The following KCTD20 variants were observed in gnomAD, a reference collection of about 807,000 sequenced individuals.
KCTD20 encodes the protein BTB/POZ domain-containing protein KCTD20.
In KCTD20, 30 loss-of-function variants were observed where a neutral mutation model predicts 39.6. That is an observed-to-expected ratio of 0.76 (90% CI 0.57 to 1.03). The LOEUF is 1.03. Ranked by LOEUF, KCTD20 falls within the 50% of genes least tolerant of loss-of-function variation. KCTD20 has a pLI of 0.00. For missense variants in KCTD20, 422 were observed against 522.0 expected (o/e 0.81, Z 1.87); for synonymous variants, 162 against 180.6 (o/e 0.90, Z 0.83).
chr6:36,481,732 C>G lies in KCTD20; in HGVS notation c.829C>G (p.Pro277Ala). The change falls in exon 6 of 8, where the codon CCA becomes GCA. Residue 277 changes from proline (P) to alanine (A), a missense_variant. Coordinates refer to ENST00000373731, the MANE Select transcript of KCTD20 (RefSeq NM_173562.5). The stretch of plus-strand genomic sequence containing the variant: ...TGTGGACTGGGATGAAGACCACCCT[C>G]CACCAATGGGGGAGGAATATTCCCA... ...DSVDWDEDHP[P>A]PMGEEYSQIL... 2 of 1,614,186 alleles carry G rather than the reference C, an allele frequency of 1.2e-6. No individual in the cohort carries two copies. The highest frequency in any genetic ancestry group is 1.7e-6 in the Non-Finnish European group (2 of 1,180,024).
At chr6:36,444,698 A>G (rs772646321) in intron 1 of KCTD20, among the ~76,000 whole-genome samples, 7 of 152,130 alleles carry the variant, frequency 4.6e-5, no homozygotes, top group African/African-American at 1.2e-4. Context: ...CGTAATGCCT[A>G]TTTTCCTCAA....
chr6:36,460,991 A>G (rs1047092125), intron 1 of KCTD20, among the ~76,000 whole-genome samples: 6 of 152,092 alleles, frequency 3.9e-5, no homozygotes, highest in Admixed American at 1.3e-4. Context: ...TCTACCTCAT[A>G]AAGTTTTTTG....
intron 1 of KCTD20, among the ~76,000 whole-genome samples, chr6:36,467,194 G>A (rs1334211329): frequency 6.6e-6 from 1 of 151,276 alleles, no homozygotes; most frequent in East Asian, 2.0e-4. Flanking sequence ...TGTAATCCCA[G>A]CTACTTGGGA....
chr6:36,479,564 C>G, intron 4 of KCTD20, 27 bp from the exon 5 acceptor site: 1 of 1,590,958 alleles, frequency 6.3e-7, no homozygotes, highest in African/African-American at 1.3e-5. Flanking sequence ...TCTCTGCCTA[C>G]ATTTTTTCTT....
At chr6:36,465,457 G>A (rs150049703) in intron 1 of KCTD20, 65 of 150,092 alleles carry the variant, frequency 4.3e-4, no homozygotes, top group African/African-American at 1.4e-3. Context: ...TAGTGATCTA[G>A]GTAAATATCT....
In KCTD20 at chr6:36,469,413, C is replaced by T. The variant is rs897201175; in HGVS notation, c.-46-639C>T. 4.6e-5 allele frequency among the ~76,000 whole-genome samples: 7 copies of T among 152,094 alleles called. No homozygotes were observed. Among genetic ancestry groups the T allele is most frequent in the Non-Finnish European group, 8.8e-5 (6 of 68,028 alleles). On this transcript the variant is annotated intron_variant, in intron 1 of 7. Coordinates refer to ENST00000373731, the MANE Select transcript of KCTD20 (RefSeq NM_173562.5). The surrounding 1 kb of genome is among the most constrained non-coding windows in gnomAD (Gnocchi z 4.6). ...ACATAGTGTGTGTTGTTCATGGGGA[C>T]TCTGCACTGCTTTCGAGAGAGATGA...
chr6:36,483,673 T>C (rs1035992292), intron 6 of KCTD20, among the ~76,000 whole-genome samples: 1 of 151,944 alleles, frequency 6.6e-6, no homozygotes, highest in African/African-American at 2.4e-5. Context: ...GCCACCATGA[T>C]TGGCTAATTT....
At chr6:36,448,015 G>GTGTGTGTATATATA (rs559687288) in intron 1 of KCTD20, among the ~76,000 whole-genome samples, 3 of 128,954 alleles carry the variant, frequency 2.3e-5, no homozygotes, top group African/African-American at 1.0e-4. Context: ...ATGTGTGTGT[G>GTGTGTGTATATATA]TATATATATA....
chr6:36,465,562 A>G (rs957993304), intron 1 of KCTD20: 3 of 152,032 alleles, frequency 2.0e-5, no homozygotes, highest in African/African-American at 7.2e-5. Context: ...CATACTCAAG[A>G]TGATTGTTCT....
Position 36,481,575 on chromosome 6 carries a change from T to C in KCTD20, c.672T>C (p.His224=), listed in dbSNP as rs767079421. ...TTCTCTCTGCAGGTGCTTTACTCCA[T>C]GAACTGTCTAATGACGGTGCTCATA... The part of the protein sequence containing the change: ...IRCQDLSALL[H]ELSNDGAHKQ... The change falls in exon 6 of 8, where the codon CAT becomes CAC. Residue 224 remains histidine (H), a synonymous_variant. Coordinates refer to ENST00000373731, the MANE Select transcript of KCTD20 (RefSeq NM_173562.5). 6.2e-7 allele frequency: 1 copy of C among 1,614,080 alleles called. No individual in the cohort carries two copies. The highest frequency in any genetic ancestry group is 8.5e-7 in the Non-Finnish European group (1 of 1,179,906).
intron 1 of KCTD20, among the ~76,000 whole-genome samples, chr6:36,443,991 G>A (rs1035210822): frequency 5.9e-5 from 9 of 152,194 alleles, no homozygotes; most frequent in Non-Finnish European, 1.0e-4. Context: ...TGTTGTAGTA[G>A]TGTCTGTCGG....
At chr6:36,458,747 T>C (rs1473941167) in intron 1 of KCTD20, among the ~76,000 whole-genome samples, 1 of 151,630 alleles carries the variant, frequency 6.6e-6, no homozygotes, top group Non-Finnish European at 1.5e-5. Flanking sequence ...TCCCAACACT[T>C]TGGGAGACCA....
chr6:36,450,745 T>C (rs9368932), intron 1 of KCTD20, among the ~76,000 whole-genome samples: 148,594 of 152,320 alleles, frequency 0.98, 72,576 homozygotes, highest in Non-Finnish European at 1. Flanking sequence ...ATACATTAAC[T>C]TAAATTCCTA....
chr6:36,481,590 CG>C lies in KCTD20; in HGVS notation c.689del (p.Gly230ValfsTer34). The C allele has an allele frequency of 6.2e-7, 1 of 1,614,172 alleles. No homozygotes were observed. Among genetic ancestry groups the C allele is most frequent in the Non-Finnish European group, 8.5e-7 (1 of 1,180,002 alleles). On this transcript the variant is annotated frameshift_variant, in exon 6 of 8. Coordinates refer to ENST00000373731, the MANE Select transcript of KCTD20 (RefSeq NM_173562.5). LOFTEE classifies it high-confidence loss of function. Reference sequence around the variant, plus strand: ...CTTTACTCCATGAACTGTCTAATGACGGTGCTCATAAGCAGTTTGATCACTA... The same window carrying C: ...CTTTACTCCATGAACTGTCTAATGACGTGCTCATAAGCAGTTTGATCACTA... ...SALLHELSND[G>X]AHKQFDHYLE...
At chr6:36,486,018 C>T (rs756051792) in intron 7 of KCTD20, among the ~76,000 whole-genome samples, 1 of 152,110 alleles carries the variant, frequency 6.6e-6, no homozygotes, top group Non-Finnish European at 1.5e-5. Flanking sequence ...GGTCCTCCTG[C>T]CTCAGCCTTC....
intron 1 of KCTD20, among the ~76,000 whole-genome samples, chr6:36,466,742 T>TGGG: frequency 6.6e-6 from 1 of 151,908 alleles, no homozygotes; most frequent in East Asian, 1.9e-4. Flanking sequence ...AAGATTCATT[T>TGGG]GGGGGATGGC....
intron 1 of KCTD20, among the ~76,000 whole-genome samples, chr6:36,457,376 A>T (rs1775469959): frequency 6.6e-6 from 1 of 152,204 alleles, no homozygotes; most frequent in African/African-American, 2.4e-5. Flanking sequence ...AATACTGAGC[A>T]TTAAAGAAGG....
At chr6:36,467,942 A>T (rs1775810438) in intron 1 of KCTD20, among the ~76,000 whole-genome samples, 2 of 152,196 alleles carry the variant, frequency 1.3e-5, no homozygotes, top group African/African-American at 2.4e-5. Flanking sequence ...TTTTTTAAAA[A>T]CTGTATGCTT....
intron 4 of KCTD20, 29 bp downstream of exon 4, chr6:36,479,252 T>A: frequency 6.7e-7 from 1 of 1,489,614 alleles, no homozygotes; most frequent in Non-Finnish European, 9.3e-7. Flanking sequence ...TGTTACATTC[T>A]CTTCCTCAGG....
Sources: gnomAD v4.1 joint callset for allele counts (sites outside exome capture counted in the v4.1 genomes callset) on GRCh38, gnomAD v4.1.1 for gene constraint, Gnocchi (gnomAD v3.1) non-coding constraint, MANE v1.5 for transcripts, NCBI Gene and HGNC (gene_info 2026-07-23, HGNC 2026-07-21) for gene names.